CD2AP: variants seen among roughly 807,000 people sequenced by gnomAD.
CD2AP encodes the protein CD2-associated protein.
CD2AP carries 46 observed loss-of-function variants against 85.1 expected under a neutral mutation model. That is an observed-to-expected ratio of 0.54 (90% CI 0.43 to 0.69). The LOEUF (loss-of-function observed/expected upper bound fraction) is 0.69. Among genes scored for constraint, CD2AP ranks in the 30% least tolerant of loss-of-function variants. The probability of loss-of-function intolerance (pLI) is 0.00; values close to 1 mark genes in which losing one functional copy is unlikely to be tolerated. For synonymous variants in CD2AP, 255 were observed against 252.9 expected, an observed-to-expected ratio of 1.01 and a Z score of -0.08; for missense variants, 769 against 729.5, an observed-to-expected ratio of 1.05 and a Z score of -0.62.
chr6:47,503,563 G>GTCT (rs1766054488), intron 2 of CD2AP, 123 bp downstream of exon 2: 1 of 877,712 alleles, frequency 1.1e-6, no homozygotes, highest in Non-Finnish European at 1.8e-6. Context: ...TAACATTTAA[G>GTCT]AAAATAGAGT....
At chr6:47,497,829 A>G (rs1402906658) in intron 1 of CD2AP, among the ~76,000 whole-genome samples, 1 of 152,238 alleles carries the variant, frequency 6.6e-6, no homozygotes, top group Non-Finnish European at 1.5e-5. Context: ...TTGTAAGGAT[A>G]GCATACAGTT....
At chr6:47,585,021 C>T (rs975436310) in intron 11 of CD2AP, among the ~76,000 whole-genome samples, 57 of 152,006 alleles carry the variant, frequency 3.7e-4, no homozygotes, top group Admixed American at 3.5e-3. Flanking sequence ...AGGCCGGGCG[C>T]GGTGTCTTAC....
At chr6:47,505,910 C>CT (rs1481161950) in intron 2 of CD2AP, among the ~76,000 whole-genome samples, 1 of 100,240 alleles carries the variant, frequency 1.0e-5, no homozygotes, top group African/African-American at 4.2e-5. Flanking sequence ...TGACCCCCCC[C>CT]ACCTCCCTCC....
chr6:47,626,676 C>A lies in CD2AP; in HGVS notation c.*2449C>A, dbSNP rs878891637. The A allele has an allele frequency of 5.2e-5, 8 of 152,432 alleles. No homozygotes were observed. The South Asian group carries it at 1.7e-3, about 32-fold the overall frequency. 9.4% of individuals were successfully genotyped at this position (152,432 alleles called of 1,614,324 possible). On this transcript the variant is annotated 3_prime_UTR_variant, in exon 18 of 18. Transcript: ENST00000359314. ...TCTGAAGATGTAAAGAGAGAACAGG[C>A]CTTGTGTAACAGAAGATACTCTTTT...
At chr6:47,606,071 T>C in intron 13 of CD2AP, 94 bp from the exon 14 acceptor site, 1 of 715,330 alleles carries the variant, frequency 1.4e-6, no homozygotes, top group Non-Finnish European at 2.4e-6. Context: ...GGTACTCTTT[T>C]TAATTTATAG....
At chr6:47,538,483 T>G (rs960421694) in intron 3 of CD2AP, among the ~76,000 whole-genome samples, 1 of 152,094 alleles carries the variant, frequency 6.6e-6, no homozygotes, top group Non-Finnish European at 1.5e-5. Context: ...TGACCTCAGG[T>G]GATCCACCTG....
At chr6:47,526,981 C>G (rs1335791887) in intron 2 of CD2AP, among the ~76,000 whole-genome samples, 1 of 151,956 alleles carries the variant, frequency 6.6e-6, no homozygotes, top group Non-Finnish European at 1.5e-5. Flanking sequence ...AATAGCAAAT[C>G]AAAGTAATTT....
intron 1 of CD2AP, chr6:47,489,199 C>T (rs1246291875): frequency 1.4e-5 from 2 of 147,350 alleles, no homozygotes; most frequent in African/African-American, 5.0e-5. Flanking sequence ...AGAAGTCTCG[C>T]TCTTGTCCCC....
chr6:47,609,423 T>C, intron 16 of CD2AP, 119 bp downstream of exon 16: 1 of 787,486 alleles, frequency 1.3e-6, no homozygotes, highest in Admixed American at 2.0e-5. Context: ...GCGCCTGTAA[T>C]CCCAGCACTT....
chr6:47,587,523 A>G (rs1177618923), intron 11 of CD2AP, among the ~76,000 whole-genome samples: 1 of 152,184 alleles, frequency 6.6e-6, no homozygotes, highest in African/African-American at 2.4e-5. Context: ...ATTTTCCCAG[A>G]AGTACCTAAA....
chr6:47,599,214 A>C, intron 12 of CD2AP, 87 bp from the exon 13 acceptor site: 1 of 1,133,102 alleles, frequency 8.8e-7, no homozygotes, highest in Non-Finnish European at 1.3e-6. Context: ...GTATTAGGCC[A>C]TACAATCTTT....
chr6:47,585,268 A>T (rs1487201252), intron 11 of CD2AP, among the ~76,000 whole-genome samples: 4 of 151,482 alleles, frequency 2.6e-5, no homozygotes, highest in Admixed American at 2.6e-4. Flanking sequence ...GCGCCACTGC[A>T]CTCCAGCGTG....
At chr6:47,622,780 T>C (rs187959660) in intron 17 of CD2AP, among the ~76,000 whole-genome samples, 138 of 152,332 alleles carry the variant, frequency 9.1e-4, no homozygotes, top group African/African-American at 3.1e-3. Flanking sequence ...GCAGTCGGTC[T>C]GGAGTTAAAA....
chr6:47,579,234 C>G, intron 8 of CD2AP, 151 bp from the exon 9 acceptor site: 1 of 604,468 alleles, frequency 1.7e-6, no homozygotes, highest in Non-Finnish European at 3.0e-6. Flanking sequence ...ACTTGGGAGG[C>G]TGAGTTGGGA....
At chr6:47,522,343 C>T (rs1276126951) in intron 2 of CD2AP, among the ~76,000 whole-genome samples, 2 of 152,148 alleles carry the variant, frequency 1.3e-5, no homozygotes, top group Admixed American at 6.5e-5. Flanking sequence ...TAAGGGGATT[C>T]AATCTGTGAA....
At position 47,574,207 on chromosome 6, in the gene CD2AP, A is replaced by G. The variant is rs762800934; in HGVS notation, c.685A>G (p.Thr229Ala). Residue 229 changes from threonine (T) to alanine (A), a missense_variant, in exon 6 of 18, where the codon ACA (threonine) becomes GCA (alanine). Transcript: ENST00000359314. Reference sequence around the variant, plus strand: ...TAAAGAAGGCTCTGTGAAACTTCGGACAAGAACATCCAGTAGTGAAACAGA... The same window carrying G: ...TAAAGAAGGCTCTGTGAAACTTCGGGCAAGAACATCCAGTAGTGAAACAGA... ...IFKEGSVKLR[T>A]RTSSSETEEK... The G allele has an allele frequency of 1.9e-6, 3 of 1,614,094 alleles. No homozygotes were observed. Among genetic ancestry groups the G allele is most frequent in the East Asian group, 2.2e-5 (1 of 44,850 alleles).
At chr6:47,604,569 T>C (rs1471422165) in intron 13 of CD2AP, among the ~76,000 whole-genome samples, 1 of 152,058 alleles carries the variant, frequency 6.6e-6, no homozygotes, top group African/African-American at 2.4e-5. Context: ...ATTGTACTTG[T>C]TAAGGTTTTT....
At chr6:47,607,134 T>A (rs754425245) in intron 14 of CD2AP, among the ~76,000 whole-genome samples, 13,869 of 152,116 alleles carry the variant, frequency 0.091, 1,908 homozygotes, top group East Asian at 0.6. Flanking sequence ...AATGACAGGA[T>A]CTCATTCTTT....
intron 12 of CD2AP, among the ~76,000 whole-genome samples, chr6:47,597,584 C>G (rs933383819): frequency 6.6e-6 from 1 of 150,820 alleles, no homozygotes; most frequent in African/African-American, 2.4e-5. Context: ...AGATGATGAT[C>G]CAGGAGCAGA....
Sources: gnomAD v4.1 joint callset for allele counts (sites outside exome capture counted in the v4.1 genomes callset) on GRCh38, gnomAD v4.1.1 for gene constraint, MANE v1.5 for transcripts, NCBI Gene and HGNC (gene_info 2026-07-23, HGNC 2026-07-21) for gene names.